The following CPA6 variants were observed in gnomAD, a reference collection of about 807,000 sequenced individuals.
The protein encoded by CPA6 is carboxypeptidase A6, also known as carboxypeptidase B.
A neutral mutation model predicts 63.3 loss-of-function variants in CPA6; 58 were observed. The observed-to-expected ratio is 0.92, with a 90% CI of 0.74 to 1.14. The LOEUF is 1.14. Ranked by LOEUF, CPA6 falls within the 50% of genes most tolerant of loss-of-function variation. The probability of loss-of-function intolerance (pLI) is 0.00; values close to 1 mark genes in which losing one functional copy is unlikely to be tolerated. For synonymous variants in CPA6, 185 were observed against 179.0 expected (o/e 1.03, Z -0.27); for missense variants, 565 against 526.6 (o/e 1.07, Z -0.71).
At chr8:67,437,313 C>T (rs966886801) in intron 8 of CPA6, among the ~76,000 whole-genome samples, 5 of 152,162 alleles carry the variant, frequency 3.3e-5, no homozygotes, top group Middle Eastern at 3.4e-3. Flanking sequence ...GAGAATGGCA[C>T]GAACCCGGGA....
At chr8:67,529,081 T>G (rs1361213039) in intron 2 of CPA6, among the ~76,000 whole-genome samples, 1 of 152,012 alleles carries the variant, frequency 6.6e-6, no homozygotes, top group African/African-American at 2.4e-5. Context: ...TGGAGAGTTG[T>G]AAGTACAGAA....
At chr8:67,434,726 A>C (rs1035705831) in intron 8 of CPA6, among the ~76,000 whole-genome samples, 1 of 152,238 alleles carries the variant, frequency 6.6e-6, no homozygotes, top group Admixed American at 6.5e-5. Flanking sequence ...CAGTGGCAGC[A>C]GCAGGCGGAC....
intron 2 of CPA6, among the ~76,000 whole-genome samples, chr8:67,573,011 A>T (rs567283972): frequency 7.2e-5 from 11 of 152,228 alleles, no homozygotes; most frequent in Non-Finnish European, 1.6e-4. Context: ...TATTAACATA[A>T]TCAAGGAAAA....
At chr8:67,542,167 C>T (rs552750645) in intron 2 of CPA6, among the ~76,000 whole-genome samples, 1 of 152,352 alleles carries the variant, frequency 6.6e-6, no homozygotes, top group East Asian at 1.9e-4. Context: ...CCACAGGAAT[C>T]TACCTTTTTA....
At position 67,487,210 on chromosome 8, in the gene CPA6, C is replaced by T. The variant is rs566192324; in HGVS notation, c.637-2421G>A. ...CTAATGTTATCCCTTCCCCTGACCC[C>T]CACCTCAAGAAAGGTCCCAGTGTGT... On this transcript the variant is annotated intron_variant, in intron 6 of 10. Coordinates refer to ENST00000297770, the MANE Select transcript of CPA6 (RefSeq NM_020361.5). Among the ~76,000 whole-genome samples the T allele has an allele frequency of 2.2e-4, 34 of 152,210 alleles. No individual in the cohort carries two copies. The South Asian group carries it at 6.4e-3, about 29-fold the overall frequency.
intron 1 of CPA6, among the ~76,000 whole-genome samples, chr8:67,723,039 C>A (rs1366967512): frequency 6.6e-6 from 1 of 152,020 alleles, no homozygotes; most frequent in Non-Finnish European, 1.5e-5. Flanking sequence ...ATACATATTA[C>A]TCTCAAACTC....
chr8:67,706,130 C>T (rs986281565), intron 1 of CPA6, among the ~76,000 whole-genome samples: 1 of 152,088 alleles, frequency 6.6e-6, no homozygotes, highest in Admixed American at 6.6e-5. Flanking sequence ...TATGAAAAAA[C>T]GTTATACAAT....
At chr8:67,659,645 T>A in intron 1 of CPA6, among the ~76,000 whole-genome samples, 1 of 152,336 alleles carries the variant, frequency 6.6e-6, no homozygotes, top group African/African-American at 2.4e-5. Flanking sequence ...TATGCTTTAA[T>A]AACCACAAAA....
At chr8:67,558,036 C>A (rs1813108889) in intron 2 of CPA6, among the ~76,000 whole-genome samples, 1 of 152,158 alleles carries the variant, frequency 6.6e-6, no homozygotes, top group Non-Finnish European at 1.5e-5. Flanking sequence ...GAGCGGGCCC[C>A]AGCTGTAGCT....
chr8:67,499,599 T>G (rs1305814239), intron 6 of CPA6, among the ~76,000 whole-genome samples: 1 of 152,184 alleles, frequency 6.6e-6, no homozygotes, highest in Non-Finnish European at 1.5e-5. Flanking sequence ...ATTTCCATCC[T>G]CACACACATT....
intron 2 of CPA6, among the ~76,000 whole-genome samples, chr8:67,617,464 T>C (rs935821896): frequency 1.1e-4 from 17 of 152,326 alleles, no homozygotes; most frequent in Admixed American, 9.8e-4. Context: ...TTCATTACTT[T>C]ACAAAGCCTT....
At position 67,644,409 on chromosome 8, in the gene CPA6, T is replaced by C. The variant is rs563380663; in HGVS notation, c.117-20158A>G. On this transcript the variant is annotated intron_variant, in intron 1 of 10. Coordinates refer to ENST00000297770, the MANE Select transcript of CPA6 (RefSeq NM_020361.5). ...CTGGGATTACAGGCGTGAGCCACCA[T>C]GCCCGGCCATTATGGCTGTCTTGGC... Among the ~76,000 whole-genome samples, 101 of 152,310 alleles carry C rather than the reference T, an allele frequency of 6.6e-4. 2 individuals carry two copies. In the South Asian group the frequency reaches 0.012, roughly 18 times the overall value.
At chr8:67,577,145 T>A (rs78475645) in intron 2 of CPA6, among the ~76,000 whole-genome samples, 2 of 152,034 alleles carry the variant, frequency 1.3e-5, no homozygotes, top group East Asian at 3.9e-4. Flanking sequence ...CTGAGTCACC[T>A]AGCCCAGCCT....
intron 8 of CPA6, among the ~76,000 whole-genome samples, chr8:67,436,567 G>A (rs1470758274): frequency 2.6e-5 from 4 of 152,048 alleles, no homozygotes; most frequent in South Asian, 2.1e-4. Flanking sequence ...TTAGAACAGC[G>A]CTATCCAAAC....
intron 8 of CPA6, among the ~76,000 whole-genome samples, chr8:67,472,398 T>C (rs141368146): frequency 4.8e-5 from 5 of 104,310 alleles, no homozygotes; most frequent in South Asian, 2.6e-4. Context: ...TTATTTTATT[T>C]TATTTTATCT....
chr8:67,697,577 C>T (rs1301507711), intron 1 of CPA6, among the ~76,000 whole-genome samples: 1 of 152,186 alleles, frequency 6.6e-6, no homozygotes, highest in Admixed American at 6.5e-5. Flanking sequence ...AGTAAATTCT[C>T]TTCCGCTTTA....
intron 2 of CPA6, among the ~76,000 whole-genome samples, chr8:67,589,021 G>A (rs2128980369): frequency 6.6e-6 from 1 of 152,188 alleles, no homozygotes; most frequent in East Asian, 1.9e-4. Flanking sequence ...AAGAGGCTGA[G>A]GTAGGAGGAT....
chr8:67,655,178 T>C (rs1815955475), intron 1 of CPA6, among the ~76,000 whole-genome samples: 1 of 152,156 alleles, frequency 6.6e-6, no homozygotes, highest in African/African-American at 2.4e-5. Context: ...ACTGAATCCT[T>C]GATACAATTC....
chr8:67,615,029 C>A (rs1277039836), intron 2 of CPA6, among the ~76,000 whole-genome samples: 4 of 152,134 alleles, frequency 2.6e-5, no homozygotes, highest in South Asian at 2.1e-4. Context: ...TTAGTGAATT[C>A]TTTTAGGTTA....
Sources: allele counts gnomAD v4.1 joint callset (sites outside exome capture counted in the v4.1 genomes callset), GRCh38; gene constraint gnomAD v4.1.1; transcripts MANE v1.5; gene names NCBI Gene and HGNC (gene_info 2026-07-23, HGNC 2026-07-21).